The following PRH1 variants were observed in gnomAD, a reference collection of about 807,000 sequenced individuals.
The protein encoded by PRH1 is proline rich protein HaeIII subfamily 1, also known as salivary acidic proline-rich phosphoprotein 1/2.
A neutral mutation model predicts 7.9 loss-of-function variants in PRH1; 7 were observed. The observed-to-expected ratio is 0.89, with a 90% confidence interval of 0.50 to 1.67. The LOEUF (loss-of-function observed/expected upper bound fraction) is 1.67. PRH1 is among the 40% of genes most tolerant of loss of function. The pLI, the probability that PRH1 is intolerant of heterozygous loss-of-function variation, is 0.00. For missense variants in PRH1, 109 were observed against 223.6 expected (o/e 0.49, Z 3.27); for synonymous variants, 45 against 80.8 (o/e 0.56, Z 2.38).
At chr12:11,079,977 A>G (rs112443000) in intron 1 of PRH1, among the ~76,000 whole-genome samples, 45,615 of 102,148 alleles carry the variant, frequency 0.45, 5,238 homozygotes, top group Non-Finnish European at 0.53. Flanking sequence ...ACAAAAATGG[A>G]AAACATAGCA....
intron 1 of PRH1, chr12:11,030,739 G>A: frequency 6.2e-7 from 1 of 1,614,188 alleles, no homozygotes; most frequent in Non-Finnish European, 8.5e-7. Context: ...ACAGAGAACA[G>A]ATTAACAGCA....
At position 10,974,982 on chromosome 12, in the gene PRH1, C is replaced by G. The variant is rs375330176; in HGVS notation, c.-125-1261G>C. Among the ~76,000 whole-genome samples the G allele has an allele frequency of 1.4e-4, 21 of 152,228 alleles. No individual in the cohort carries two copies. In the South Asian group the frequency reaches 3.9e-3, roughly 29 times the overall value. Reference sequence around the variant, plus strand: ...TGTTCTGACAGAACTGAAAAACTAACATCAAGAATTTCAGAACACAATGGA... The same window carrying G: ...TGTTCTGACAGAACTGAAAAACTAAGATCAAGAATTTCAGAACACAATGGA... On this transcript the variant is annotated intron_variant, in intron 1 of 3. Coordinates refer to the PRH1 transcript ENST00000539853.
At chr12:11,110,621 C>T (rs969490318) in intron 1 of PRH1, among the ~76,000 whole-genome samples, 8 of 152,148 alleles carry the variant, frequency 5.3e-5, no homozygotes, top group African/African-American at 1.9e-4. Context: ...TTTGTTACCA[C>T]CAGGCCTGCC....
At chr12:10,970,811 C>T (rs1173076585) in intron 2 of PRH1, among the ~76,000 whole-genome samples, 2 of 141,784 alleles carry the variant, frequency 1.4e-5, no homozygotes, top group East Asian at 4.1e-4. Context: ...AGGTGATCCA[C>T]CCGCTCAGCC....
At chr12:11,121,143 CAT>C (rs1251843297) in exon 2 of PRH1, 1 of 152,892 alleles carries the variant, frequency 6.5e-6, no homozygotes, top group African/African-American at 2.4e-5. Flanking sequence ...CTTCTTGTCA[CAT>C]GTGCCCTTGG....
intron 1 of PRH1, among the ~76,000 whole-genome samples, chr12:11,142,496 A>G (rs538269599): frequency 5.9e-4 from 90 of 152,338 alleles, no homozygotes; most frequent in South Asian, 1.9e-3. Context: ...TACAGTAGAC[A>G]AAAAGAACAA....
chr12:11,084,444 A>G (rs746440633), intron 1 of PRH1, among the ~76,000 whole-genome samples: 12 of 119,558 alleles, frequency 1.0e-4, no homozygotes, highest in Middle Eastern at 3.7e-3. Context: ...ATGTGTGTCT[A>G]TATGTATTCT....
chr12:11,054,653 C>T (rs1479942019), intron 1 of PRH1, among the ~76,000 whole-genome samples: 1 of 152,182 alleles, frequency 6.6e-6, no homozygotes, highest in African/African-American at 2.4e-5. Flanking sequence ...AAAAATTGTC[C>T]TGTGTATTTA....
At chr12:11,143,865 G>A (rs951524522) in intron 1 of PRH1, among the ~76,000 whole-genome samples, 13 of 152,326 alleles carry the variant, frequency 8.5e-5, no homozygotes, top group African/African-American at 3.1e-4. Flanking sequence ...AATAGATGGA[G>A]ATGACAACTT....
chr12:11,052,845 G>A (rs889955629), intron 1 of PRH1, among the ~76,000 whole-genome samples: 4 of 150,856 alleles, frequency 2.7e-5, no homozygotes, highest in Non-Finnish European at 5.9e-5. Context: ...TTCTCTTTCT[G>A]AACATTATTT....
rs1261239008 is a variant in PRH1, at chr12:10,882,619, A to C, written c.180T>G (p.Ala60=). 1 of 1,611,272 alleles carries C rather than the reference A, an allele frequency of 6.2e-7. No individual in the cohort carries two copies. The highest frequency in any genetic ancestry group is 8.5e-7 in the Non-Finnish European group (1 of 1,179,170). ...GGCCATCATCCTGGTTCCCATCACC[A>C]GCAGAGGGTTGAGATTGCTGTCCTC... ...PLGGQQSQPS[A]GDGNQDDGPQ... is the part of the protein sequence containing the mutation. The change falls in exon 3 of 4, where the codon GCT becomes GCG. Residue 60 remains alanine (A), a synonymous_variant. Coordinates refer to ENST00000543626, the MANE Select transcript of PRH1 (RefSeq NM_001393989.1).
intron 1 of PRH1, among the ~76,000 whole-genome samples, chr12:11,017,012 G>A (rs939195933): frequency 6.6e-6 from 1 of 152,182 alleles, no homozygotes; most frequent in African/African-American, 2.4e-5. Flanking sequence ...ACTATAAAAT[G>A]AATGCAGATT....
At chr12:11,143,182 C>G (rs185401077) in intron 1 of PRH1, among the ~76,000 whole-genome samples, 1 of 152,172 alleles carries the variant, frequency 6.6e-6, no homozygotes, top group Admixed American at 6.5e-5. Context: ...AATAGTGACA[C>G]AAAAAGTTAA....
intron 1 of PRH1, among the ~76,000 whole-genome samples, chr12:11,109,088 CA>C (rs1219771916): frequency 2.6e-5 from 4 of 152,186 alleles, no homozygotes; most frequent in Non-Finnish European, 5.9e-5. Context: ...AGCAGCTCTG[CA>C]CAACCACTGT....
rs191149350 is a variant in PRH1 at position 10,969,428 on chromosome 12, T to G, written c.-59+4227A>C. ...GGCCACAGTCTCAGTCTATTTGGCT[T>G]GAGAGTGGGGCTTTAGCTGAGGACC... is the stretch of plus-strand genomic sequence containing the variant. On this transcript the variant is annotated intron_variant, in intron 2 of 3. Coordinates refer to the PRH1 transcript ENST00000539853. Among the ~76,000 whole-genome samples, 566 of 152,282 alleles carry G rather than the reference T, an allele frequency of 3.7e-3. 2 individuals are homozygous for G. Among genetic ancestry groups the G allele is most frequent in the South Asian group, 0.012 (60 of 4,826 alleles).
At chr12:10,916,099 A>G (rs193164259) in intron 2 of PRH1, among the ~76,000 whole-genome samples, 1 of 152,330 alleles carries the variant, frequency 6.6e-6, no homozygotes, top group Non-Finnish European at 1.5e-5. Context: ...GAAGACAAAG[A>G]AAGAGGAAAG....
chr12:10,938,978 G>A (rs1292563862), intron 2 of PRH1: 2 of 1,612,828 alleles, frequency 1.2e-6, no homozygotes, highest in East Asian at 2.2e-5. Flanking sequence ...TTTTTCAGTG[G>A]CAAATAAAGC....
chr12:10,966,606 C>A (rs1938510991), intron 2 of PRH1, among the ~76,000 whole-genome samples: 1 of 152,166 alleles, frequency 6.6e-6, no homozygotes, highest in South Asian at 2.1e-4. Flanking sequence ...AGCCATCCAG[C>A]AAACCCAGCT....
intron 1 of PRH1, among the ~76,000 whole-genome samples, chr12:11,005,232 T>C (rs1432342280): frequency 6.6e-6 from 1 of 152,162 alleles, no homozygotes; most frequent in Non-Finnish European, 1.5e-5. Flanking sequence ...GGCTATAAGA[T>C]GAAATTTTTC....
Sources: allele counts gnomAD v4.1 joint callset (sites outside exome capture counted in the v4.1 genomes callset), GRCh38; gene constraint gnomAD v4.1.1; transcripts MANE v1.5; gene names NCBI Gene and HGNC (gene_info 2026-07-23, HGNC 2026-07-21).